Variants in EPM2A observed in about 807,000 individuals in gnomAD.
EPM2A encodes laforin.
Under a neutral mutation model 26.5 loss-of-function variants are expected in EPM2A, and 21 were observed. That is an observed-to-expected ratio of 0.79 (90% CI 0.56 to 1.14). The LOEUF (loss-of-function observed/expected upper bound fraction) is 1.14. Among genes scored for constraint, EPM2A ranks in the 50% most tolerant of loss-of-function variants. EPM2A has a pLI of 0.00. For synonymous variants in EPM2A, 217 were observed against 177.6 expected, an observed-to-expected ratio of 1.22 and a Z score of -1.76; for missense variants, 458 against 440.8, an observed-to-expected ratio of 1.04 and a Z score of -0.35.
intron 4 of EPM2A, chr6:145,491,182 A>G: frequency 4.1e-6 from 2 of 482,550 alleles, no homozygotes; most frequent in Non-Finnish European, 4.0e-6. Flanking sequence ...GGCTTTCATA[A>G]TGAAGCAGGA....
intron 2 of EPM2A, among the ~76,000 whole-genome samples, chr6:145,522,054 G>A (rs1054173459): frequency 1.8e-4 from 27 of 152,216 alleles, no homozygotes; most frequent in Non-Finnish European, 1.5e-4. Context: ...CCGGGTTCAC[G>A]CCATTCTCCT....
chr6:145,563,070 G>A (rs1562383517), intron 2 of EPM2A, among the ~76,000 whole-genome samples: 1 of 151,830 alleles, frequency 6.6e-6, no homozygotes, highest in African/African-American at 2.4e-5. Flanking sequence ...CACTCGAGCT[G>A]ATCTGAAACG....
chr6:145,608,919 T>C (rs1263398743), intron 2 of EPM2A, among the ~76,000 whole-genome samples: 1 of 152,034 alleles, frequency 6.6e-6, no homozygotes, highest in Non-Finnish European at 1.5e-5. Flanking sequence ...AGAAATGAAA[T>C]AGCAGGGAAA....
intron 1 of EPM2A, among the ~76,000 whole-genome samples, chr6:145,729,004 C>A (rs1273127238): frequency 1.3e-5 from 2 of 152,184 alleles, no homozygotes; most frequent in Non-Finnish European, 2.9e-5. Context: ...TTAAAAGGGT[C>A]CCAAATATGT....
chr6:145,395,095 C>T (rs189347678), intron 4 of EPM2A, among the ~76,000 whole-genome samples: 1 of 80,650 alleles, frequency 1.2e-5, no homozygotes. Context: ...AAACAACAAC[C>T]CTTCTCACCT....
chr6:145,735,724 T>C, upstream of EPM2A: 6 of 856,872 alleles, frequency 7.0e-6, no homozygotes, highest in Non-Finnish European at 8.6e-6. Context: ...GCTGCCTCTT[T>C]GTGCCCCGCA....
chr6:145,397,955 C>T (rs1456174761), intron 4 of EPM2A, among the ~76,000 whole-genome samples: 1 of 152,146 alleles, frequency 6.6e-6, no homozygotes, highest in Admixed American at 6.6e-5. Flanking sequence ...TTTTTATACT[C>T]TCCTTGTATT....
intron 1 of EPM2A, among the ~76,000 whole-genome samples, chr6:145,699,545 C>T (rs573787589): frequency 6.6e-6 from 1 of 152,250 alleles, no homozygotes; most frequent in East Asian, 1.9e-4. Context: ...GGGTGCTATG[C>T]TGTGATGAAC....
At chr6:145,662,608 G>A (rs939045611) in intron 2 of EPM2A, among the ~76,000 whole-genome samples, 2 of 152,146 alleles carry the variant, frequency 1.3e-5, no homozygotes, top group Non-Finnish European at 2.9e-5. Context: ...GGAATTTACA[G>A]TCAAGGAGCA....
At chr6:145,704,612 T>A (rs1288989111) in intron 1 of EPM2A, among the ~76,000 whole-genome samples, 1 of 152,236 alleles carries the variant, frequency 6.6e-6, no homozygotes, top group Non-Finnish European at 1.5e-5. Flanking sequence ...AAGCAAGGAC[T>A]GAAGCCCAAG....
At chr6:145,568,056 A>G (rs1780906885) in intron 2 of EPM2A, among the ~76,000 whole-genome samples, 1 of 152,210 alleles carries the variant, frequency 6.6e-6, no homozygotes, top group Non-Finnish European at 1.5e-5. Context: ...TGAAGGAAGG[A>G]TGCCACATAA....
intron 2 of EPM2A, among the ~76,000 whole-genome samples, chr6:145,560,336 A>G (rs1292311746): frequency 2.6e-5 from 4 of 152,124 alleles, no homozygotes; most frequent in Non-Finnish European, 2.9e-5. Context: ...CATATAATAA[A>G]CTGGAACTTA....
At chr6:145,544,907 G>A (rs1330266237) in intron 2 of EPM2A, among the ~76,000 whole-genome samples, 1 of 152,136 alleles carries the variant, frequency 6.6e-6, no homozygotes, top group Non-Finnish European at 1.5e-5. Flanking sequence ...CAGACAAAAT[G>A]ACATGTATCA....
intron 2 of EPM2A, among the ~76,000 whole-genome samples, chr6:145,553,035 A>G (rs1224541241): frequency 6.6e-6 from 1 of 152,016 alleles, no homozygotes; most frequent in African/African-American, 2.4e-5. Flanking sequence ...CATAATCCCC[A>G]CGTGTCAAGG....
chr6:145,543,387 A>T lies in EPM2A; in HGVS notation c.341-40812T>A, dbSNP rs532950564. Among the ~76,000 whole-genome samples, 3 of 152,288 alleles carry T rather than the reference A, an allele frequency of 2.0e-5. No homozygotes were observed. In the East Asian group the frequency reaches 5.8e-4, roughly 29 times the overall value. ...GTGTCAACGCCAAACCATAGAATGG[A>T]GAACATAGCCTCTTGTCAAAAAAGG... On this transcript the variant is annotated intron_variant, in intron 2 of 3. Transcript: ENST00000450221.
At chr6:145,610,097 C>G (rs973845562) in intron 2 of EPM2A, among the ~76,000 whole-genome samples, 1 of 152,046 alleles carries the variant, frequency 6.6e-6, no homozygotes, top group Non-Finnish European at 1.5e-5. Context: ...CGCCTGTAAT[C>G]CCAGCTACTT....
intron 4 of EPM2A, among the ~76,000 whole-genome samples, chr6:145,434,135 G>A (rs143348619): frequency 8.2e-4 from 124 of 151,894 alleles, no homozygotes; most frequent in African/African-American, 2.6e-3. Flanking sequence ...TCATTTCACC[G>A]GCTTCTGACT....
At chr6:145,511,817 A>G (rs1206287327) in intron 2 of EPM2A, among the ~76,000 whole-genome samples, 2 of 152,214 alleles carry the variant, frequency 1.3e-5, no homozygotes, top group Non-Finnish European at 2.9e-5. Context: ...AGAGGAAGTC[A>G]AATTATTATT....
At chr6:145,636,301 G>A (rs1170918265) in intron 2 of EPM2A, 1 of 152,184 alleles carries the variant, frequency 6.6e-6, no homozygotes, top group African/African-American at 2.4e-5. Flanking sequence ...AGGAGTTCTA[G>A]ACAAGCCTGG....
Sources: gnomAD v4.1 joint callset for allele counts (sites outside exome capture counted in the v4.1 genomes callset) on GRCh38, gnomAD v4.1.1 for gene constraint, MANE v1.5 for transcripts, NCBI Gene and HGNC (gene_info 2026-07-23, HGNC 2026-07-21) for gene names.